Variants in CNKSR2 observed in about 807,000 individuals in gnomAD.
CNKSR2 encodes the protein connector enhancer of kinase suppressor of Ras 2, also known as CNK homolog protein 2.
In CNKSR2, 14 loss-of-function variants were observed where a neutral mutation model predicts 84.4. The ratio of observed to expected loss-of-function variants is 0.17; its 90% CI spans 0.11 to 0.26. CNKSR2 has a LOEUF of 0.26. Among genes scored for constraint, CNKSR2 ranks in the 10% least tolerant of loss-of-function variants. The pLI is 1.00. For missense variants in CNKSR2, 485 were observed against 771.2 expected, an observed-to-expected ratio of 0.63 and a Z score of 4.40; for synonymous variants, 275 against 277.9, an observed-to-expected ratio of 0.99 and a Z score of 0.10.
At chrX:21,551,117 A>G (rs1385704810) in intron 11 of CNKSR2, among the ~76,000 whole-genome samples, 1 of 111,291 alleles carries the variant, frequency 9.0e-6, no homozygotes, top group Non-Finnish European at 1.9e-5. Flanking sequence ...ACACAGGAAC[A>G]GAAAACCAAA....
At chrX:21,566,931 T>C (rs1318532889) in intron 13 of CNKSR2, among the ~76,000 whole-genome samples, 1 of 112,072 alleles carries the variant, frequency 8.9e-6, no homozygotes, top group Non-Finnish European at 1.9e-5. Flanking sequence ...TCCATATATC[T>C]GATATTCTAG....
intron 5 of CNKSR2, among the ~76,000 whole-genome samples, chrX:21,476,540 G>A (rs2091262066): frequency 1.8e-5 from 2 of 111,103 alleles, no homozygotes; most frequent in Admixed American, 1.9e-4. Flanking sequence ...CTCTAAAATT[G>A]GAGAGAGTCT....
intron 8 of CNKSR2, chrX:21,503,270 A>C (rs989627115): frequency 1.7e-5 from 5 of 292,938 alleles, no homozygotes; most frequent in African/African-American, 2.8e-5. Context: ...TGAAAACTAC[A>C]CAGAATGATC....
intron 9 of CNKSR2, among the ~76,000 whole-genome samples, chrX:21,526,047 T>G (rs1422606478): frequency 9.0e-6 from 1 of 111,228 alleles, no homozygotes; most frequent in Non-Finnish European, 1.9e-5. Flanking sequence ...GGGAGTGCTC[T>G]TAAGTTAATG....
chrX:21,389,025 T>C (rs1275779958), intron 1 of CNKSR2, among the ~76,000 whole-genome samples: 2 of 108,369 alleles, frequency 1.8e-5, no homozygotes, highest in Non-Finnish European at 3.8e-5. Context: ...TTTATCTCTG[T>C]GGTCTTTCTT....
intron 13 of CNKSR2, among the ~76,000 whole-genome samples, chrX:21,571,336 C>T (rs1185364666): frequency 3.6e-5 from 4 of 111,968 alleles, no homozygotes; most frequent in African/African-American, 1.3e-4. Flanking sequence ...TACCAATAGA[C>T]TCATTCAGCA....
At chrX:21,593,580 T>A (rs750320286) in intron 15 of CNKSR2, 12 of 111,946 alleles carry the variant, frequency 1.1e-4, no homozygotes, top group African/African-American at 3.9e-4. Flanking sequence ...GATTAAAGCA[T>A]TTAGCAAAAG....
intron 4 of CNKSR2, among the ~76,000 whole-genome samples, chrX:21,463,154 C>A (rs1394599827): frequency 2.7e-5 from 3 of 111,482 alleles, no homozygotes; most frequent in Admixed American, 1.9e-4. Flanking sequence ...GTATGTTGAA[C>A]CATCCTTGCA....
At chrX:21,481,491 C>T (rs777215109) in intron 5 of CNKSR2, among the ~76,000 whole-genome samples, 1 of 111,495 alleles carries the variant, frequency 9.0e-6, no homozygotes, top group Admixed American at 9.5e-5. Flanking sequence ...GACCCCTGTC[C>T]CCTGGTATAT....
At chrX:21,500,491 T>C (rs914245175) in intron 7 of CNKSR2, among the ~76,000 whole-genome samples, 2 of 111,409 alleles carry the variant, frequency 1.8e-5, no homozygotes, top group African/African-American at 6.5e-5. Flanking sequence ...TATGTTTGTG[T>C]GTGATAGATA....
chrX:21,471,416 C>T (rs1219903063), intron 5 of CNKSR2, among the ~76,000 whole-genome samples: 1 of 111,849 alleles, frequency 8.9e-6, no homozygotes, highest in Non-Finnish European at 1.9e-5. Flanking sequence ...CTAGTTTGTC[C>T]TAATAACTTC....
intron 10 of CNKSR2, among the ~76,000 whole-genome samples, chrX:21,528,065 GAATT>G (rs1157187726): frequency 9.0e-6 from 1 of 110,529 alleles, no homozygotes; most frequent in Non-Finnish European, 1.9e-5. Context: ...AGTTCTTTGA[GAATT>G]AAATATAGCC....
chrX:21,569,200 C>A (rs1332220481), intron 13 of CNKSR2, among the ~76,000 whole-genome samples: 3 of 110,653 alleles, frequency 2.7e-5, no homozygotes, highest in Non-Finnish European at 3.8e-5. Context: ...ATTATGTGAG[C>A]CTTCAGCAAG....
intron 11 of CNKSR2, among the ~76,000 whole-genome samples, chrX:21,545,101 C>A (rs964127165): frequency 1.8e-5 from 2 of 111,382 alleles, no homozygotes; most frequent in Admixed American, 1.9e-4. Flanking sequence ...CAGTGGATCC[C>A]ACCCCGACAG....
intron 1 of CNKSR2, among the ~76,000 whole-genome samples, chrX:21,393,066 C>CA: frequency 8.9e-6 from 1 of 112,050 alleles, no homozygotes; most frequent in Admixed American, 9.4e-5. Flanking sequence ...TTTCTTTCCA[C>CA]AAAAAATTGA....
At chrX:21,614,428 T>C (rs1368189027) in intron 20 of CNKSR2, among the ~76,000 whole-genome samples, 4 of 111,708 alleles carry the variant, frequency 3.6e-5, no homozygotes, top group Non-Finnish European at 7.5e-5. Flanking sequence ...TCTTAAGTTA[T>C]AGTTCATGTC....
intron 1 of CNKSR2, 23 bp from the exon 2 acceptor site, chrX:21,426,474 T>C: frequency 8.4e-7 from 1 of 1,196,440 alleles, no homozygotes; most frequent in Non-Finnish European, 1.1e-6. Context: ...TTCATTCTGG[T>C]CTTTCATACT....
intron 6 of CNKSR2, among the ~76,000 whole-genome samples, chrX:21,497,581 G>A (rs2091513909): frequency 9.0e-6 from 1 of 111,324 alleles, no homozygotes; most frequent in African/African-American, 3.3e-5. Flanking sequence ...TTGAGTATAG[G>A]CTTCTTCAGA....
At chrX:21,560,641 T>A (rs2092179939) in intron 11 of CNKSR2, among the ~76,000 whole-genome samples, 1 of 111,689 alleles carries the variant, frequency 9.0e-6, no homozygotes, top group South Asian at 3.7e-4. Context: ...ATGCCAGGCA[T>A]TTTGCTAGGT....
Sources: allele counts gnomAD v4.1 joint callset (sites outside exome capture counted in the v4.1 genomes callset), GRCh38; gene constraint gnomAD v4.1.1; transcripts MANE v1.5; gene names NCBI Gene and HGNC (gene_info 2026-07-23, HGNC 2026-07-21).